Variants in PLEKHG7 observed in about 807,000 individuals in gnomAD.
PLEKHG7 encodes pleckstrin homology and RhoGEF domain containing G7.
PLEKHG7 carries 77 observed loss-of-function variants against 85.2 expected under a neutral mutation model. The observed-to-expected ratio is 0.90, with a 90% CI of 0.75 to 1.09. The LOEUF is 1.09. Among genes scored for constraint, PLEKHG7 ranks in the 50% least tolerant of loss-of-function variants. The pLI, the probability that PLEKHG7 is intolerant of heterozygous loss-of-function variation, is 0.00. For synonymous variants in PLEKHG7, 301 were observed against 302.4 expected, an observed-to-expected ratio of 1.00 and a Z score of 0.05; for missense variants, 777 against 804.3, an observed-to-expected ratio of 0.97 and a Z score of 0.41.
intron 13 of PLEKHG7, among the ~76,000 whole-genome samples, chr12:92,760,780 C>G (rs1181862333): frequency 6.6e-6 from 1 of 152,154 alleles, no homozygotes; most frequent in African/African-American, 2.4e-5. Flanking sequence ...ACTATTAAAA[C>G]TAATATCAGA....
chr12:92,752,131 G>A (rs983604306), intron 10 of PLEKHG7, among the ~76,000 whole-genome samples: 1 of 152,046 alleles, frequency 6.6e-6, no homozygotes, highest in Non-Finnish European at 1.5e-5. Context: ...TGCTAGGCAA[G>A]AGGCTAGGAG....
rs900121669 is a variant in PLEKHG7, at chr12:92,771,222, A to G, written c.*1027A>G. On this transcript the variant is annotated 3_prime_UTR_variant, in exon 17 of 17. Coordinates refer to ENST00000344636, the MANE Select transcript of PLEKHG7 (RefSeq NM_001377329.1). ...CCATTTCAGAATCGTACCTTTTGCAATTTGCAAAGTGAAAGTAGTAAATTT... is the reference window on the plus strand; with the variant it reads ...CCATTTCAGAATCGTACCTTTTGCAGTTTGCAAAGTGAAAGTAGTAAATTT... 1.3e-5 allele frequency: 2 copies of G among 152,080 alleles called. No individual in the cohort carries two copies. The highest frequency in any genetic ancestry group is 2.9e-5 in the Non-Finnish European group (2 of 67,946). 9.4% of individuals were successfully genotyped at this position (152,080 alleles called of 1,614,324 possible). A position where few individuals can be genotyped will look rare whatever the true frequency, so the allele number is the denominator to read the frequency against.
chr12:92,767,827 T>C (rs937870145), intron 15 of PLEKHG7, among the ~76,000 whole-genome samples: 1 of 152,180 alleles, frequency 6.6e-6, no homozygotes, highest in Non-Finnish European at 1.5e-5. Context: ...ACTTGCTCAC[T>C]TTTTCTCTTT....
intron 3 of PLEKHG7, among the ~76,000 whole-genome samples, chr12:92,726,820 G>T (rs1871829958): frequency 1.3e-5 from 2 of 152,178 alleles, no homozygotes; most frequent in African/African-American, 4.8e-5. Context: ...CCTGTGTGAT[G>T]AACTTTTCTA....
chr12:92,740,804 G>T, intron 7 of PLEKHG7, 49 bp from the exon 8 acceptor site: 1 of 1,324,454 alleles, frequency 7.6e-7, no homozygotes, highest in Non-Finnish European at 1.1e-6. Flanking sequence ...AAGGCATGTT[G>T]CAAAATTAAA....
At position 92,706,942 on chromosome 12, in the gene PLEKHG7, T is replaced by C. The variant is rs370420227; in HGVS notation, c.311T>C (p.Leu104Pro). The change falls in exon 2 of 17, where the codon CTC becomes CCC. Residue 104 changes from leucine (L) to proline (P), a missense_variant. This residue lies in a region of PLEKHG7 where 252 missense variants were observed against 241.9 expected (regional missense o/e 1.04). Transcript: ENST00000344636. ...DSSHLLSPLRLHSRLTSEPER... is the reference protein window; with the variant it reads ...DSSHLLSPLRPHSRLTSEPER... ...TCACACTTGCTGTCACCCTTGAGAC[T>C]CCACTCAAGATTGACCTCTGAACCT... 4 of 1,613,988 alleles carry C rather than the reference T, an allele frequency of 2.5e-6. No individual in the cohort carries two copies. In the African/African-American group the frequency reaches 5.3e-5, roughly 22 times the overall value.
chr12:92,768,954 CT>C, intron 15 of PLEKHG7, 28 bp from the exon 16 acceptor site: 1 of 1,440,780 alleles, frequency 6.9e-7, no homozygotes, highest in Non-Finnish European at 9.5e-7. Flanking sequence ...AATGATTTGG[CT>C]TTTTGTCTTT....
At position 92,771,126 on chromosome 12, in the gene PLEKHG7, T is replaced by C. The variant is rs995812123; in HGVS notation, c.*931T>C. On this transcript the variant is annotated 3_prime_UTR_variant, in exon 17 of 17. Transcript: ENST00000344636. ...ATAATTATTATCATGGCAGGATATA[T>C]ACTATTAACTACATTCAAGGAACTA... The C allele has an allele frequency of 1.3e-5, 2 of 152,074 alleles. No homozygotes were observed. Among genetic ancestry groups the C allele is most frequent in the Non-Finnish European group, 2.9e-5 (2 of 67,972 alleles). The allele number at this position is 152,074 out of a possible 1,614,324, so 9.4% of individuals were successfully genotyped here.
chr12:92,735,182 A>AT (rs2136597536), intron 5 of PLEKHG7, among the ~76,000 whole-genome samples: 1 of 152,260 alleles, frequency 6.6e-6, no homozygotes, highest in African/African-American at 2.4e-5. Flanking sequence ...CTGGCTGCTG[A>AT]TTTTTTATTT....
In PLEKHG7 at chr12:92,745,539, TC is replaced by T; in HGVS notation, c.1200del (p.Tyr402IlefsTer5). On this transcript the variant is annotated frameshift_variant, in exon 10 of 17. Coordinates refer to ENST00000344636, the MANE Select transcript of PLEKHG7 (RefSeq NM_001377329.1). LOFTEE classifies it high-confidence loss of function. ...TACTGCCTGAACTATTCAGCTGCTA[TC>T]TTTTATCTTGAGAGCCTGAGGCAGA... ...QTYCLNYSAA[I>X]FYLESLRQRD... The T allele has an allele frequency of 6.2e-7, 1 of 1,614,048 alleles. No homozygotes were observed. The highest frequency in any genetic ancestry group is 8.5e-7 in the Non-Finnish European group (1 of 1,179,914).
intron 10 of PLEKHG7, among the ~76,000 whole-genome samples, chr12:92,753,535 C>T (rs1402631076): frequency 6.6e-6 from 1 of 152,186 alleles, no homozygotes; most frequent in Non-Finnish European, 1.5e-5. Context: ...ACTCCAAACT[C>T]TCCCTATTGA....
chr12:92,732,134 G>T (rs1872008606), intron 4 of PLEKHG7, 99 bp from the exon 5 acceptor site: 1 of 566,250 alleles, frequency 1.8e-6, no homozygotes, highest in Non-Finnish European at 2.6e-6. Context: ...AATTCTGTTT[G>T]GCTAATTTTC....
At position 92,770,733 on chromosome 12, in the gene PLEKHG7, G is replaced by C. The variant is rs1873389209; in HGVS notation, c.*538G>C. ...AAATAGGGACTACATTTAAGTAGCAGTTTTAAAATTCCTATTCTCAAACTC... is the reference window on the plus strand; with the variant it reads ...AAATAGGGACTACATTTAAGTAGCACTTTTAAAATTCCTATTCTCAAACTC... On this transcript the variant is annotated 3_prime_UTR_variant, in exon 17 of 17. Coordinates refer to ENST00000344636, the MANE Select transcript of PLEKHG7 (RefSeq NM_001377329.1). 6.6e-6 allele frequency: 1 copy of C among 152,084 alleles called. No individual in the cohort carries two copies. Among genetic ancestry groups the C allele is most frequent in the Non-Finnish European group, 1.5e-5 (1 of 68,022 alleles). The allele number at this position is 152,084 out of a possible 1,614,324, so 9.4% of individuals were successfully genotyped here.
At chr12:92,708,918 T>C (rs897181110) in intron 3 of PLEKHG7, among the ~76,000 whole-genome samples, 3 of 152,226 alleles carry the variant, frequency 2.0e-5, no homozygotes, top group Admixed American at 6.5e-5. Flanking sequence ...GGGCTGTTAA[T>C]GTAAATCTTC....
At chr12:92,712,127 A>G (rs1267186184) in intron 3 of PLEKHG7, among the ~76,000 whole-genome samples, 1 of 152,218 alleles carries the variant, frequency 6.6e-6, no homozygotes, top group South Asian at 2.1e-4. Flanking sequence ...TGTGTCACCA[A>G]TAAGTCCAAT....
chr12:92,706,719 A>G lies in PLEKHG7; in HGVS notation c.88A>G (p.Asn30Asp), dbSNP rs1323564093. 1 of 1,614,128 alleles carries G rather than the reference A, an allele frequency of 6.2e-7. No homozygotes were observed. The highest frequency in any genetic ancestry group is 1.7e-5 in the Admixed American group (1 of 60,034). Residue 30 changes from asparagine to aspartate, a missense_variant, in exon 2 of 17, where the codon AAC (asparagine) becomes GAC (aspartate). By Grantham distance (23) the Asn-to-Asp change is conservative (BLOSUM62 1). Coordinates refer to ENST00000344636, the MANE Select transcript of PLEKHG7 (RefSeq NM_001377329.1). ...PRPSLRSLPK[N>D]QGSLLQFDRQ... is the part of the protein sequence containing the mutation. ...GCCCTCGCTGAGGAGCCTGCCAAAG[A>G]ACCAGGGGAGTCTCCTCCAGTTTGA...
chr12:92,708,030 A>G (rs1406346048), intron 3 of PLEKHG7: 3 of 296,080 alleles, frequency 1.0e-5, no homozygotes, highest in Non-Finnish European at 1.3e-5. Flanking sequence ...AAAAATTTGG[A>G]GGATAAAAGA....
In PLEKHG7 at chr12:92,755,844, G is replaced by T; in HGVS notation, c.1446G>T (p.Val482=). The T allele has an allele frequency of 3.1e-6, 5 of 1,612,942 alleles. No homozygotes were observed. The highest frequency in any genetic ancestry group is 4.2e-6 in the Non-Finnish European group (5 of 1,179,156). Residue 482 remains valine, a synonymous_variant, in exon 12 of 17, where the codon GTG becomes GTT. Transcript: ENST00000344636. ...EKSIRDLEGK[V]KWLDNFQKFR... ...TTTCAGGGGACCTTGAAGGAAAAGT[G>T]AAGTGGCTGGACAATTTCCAAAAAT...
intron 5 of PLEKHG7, among the ~76,000 whole-genome samples, chr12:92,734,390 A>G (rs975650933): frequency 1.3e-5 from 2 of 152,196 alleles, no homozygotes; most frequent in Admixed American, 6.5e-5. Context: ...ATTACCAGGT[A>G]CTGTTACTGT....
Sources: gnomAD v4.1 joint callset for allele counts (sites outside exome capture counted in the v4.1 genomes callset) on GRCh38, gnomAD v4.1.1 for gene constraint, gnomAD v4.1.1 regional missense constraint, MANE v1.5 for transcripts, NCBI Gene and HGNC (gene_info 2026-07-23, HGNC 2026-07-21) for gene names.